The following MED13L variants were observed in gnomAD, a reference collection of about 807,000 sequenced individuals.
The protein encoded by MED13L is mediator of RNA polymerase II transcription subunit 13-like.
Under a neutral mutation model 220.9 loss-of-function variants are expected in MED13L, and 7 were observed. That is an observed-to-expected ratio of 0.03 (90% CI 0.02 to 0.06). The LOEUF is 0.06. Ranked by LOEUF, MED13L falls within the 10% of genes least tolerant of loss-of-function variation. The pLI is 1.00. For synonymous variants in MED13L, 1,011 were observed against 1,015.2 expected (o/e 1.00, Z 0.08); for missense variants, 1,965 against 2,760.5 (o/e 0.71, Z 6.46).
chr12:116,137,896 G>C (rs1593087831), intron 2 of MED13L, among the ~76,000 whole-genome samples: 1 of 95,386 alleles, frequency 1.0e-5, no homozygotes, highest in African/African-American at 4.5e-5. Flanking sequence ...TGCTCTTGTT[G>C]CCCAGGCTGG....
intron 1 of MED13L, among the ~76,000 whole-genome samples, chr12:116,244,225 A>G (rs1870901988): frequency 6.6e-6 from 1 of 152,192 alleles, no homozygotes; most frequent in South Asian, 2.1e-4. Context: ...CAGTAAACAT[A>G]TTAAGTCACC....
At chr12:116,074,095 C>T (rs539401422) in intron 4 of MED13L, among the ~76,000 whole-genome samples, 91 of 152,266 alleles carry the variant, frequency 6.0e-4, no homozygotes, top group African/African-American at 2.1e-3. Context: ...TACTGTTAAA[C>T]ATTAAAACTT....
In MED13L at chr12:116,020,044, G is replaced by A. The variant is rs1245229116; in HGVS notation, c.626-72C>T. ...CCTACTTAAGTGCAACACTACATAT[G>A]TGGTAATTTTAGGTTACAGTATCAC... On this transcript the variant is annotated intron_variant, in intron 5 of 30. Transcript: ENST00000281928. 7 of 1,355,110 alleles carry A rather than the reference G, an allele frequency of 5.2e-6. No individual in the cohort carries two copies. The Admixed American group carries it at 8.9e-5, about 17-fold the overall frequency. 83.9% of individuals were successfully genotyped at this position (1,355,110 alleles called of 1,614,324 possible).
At chr12:115,997,493 C>T (rs1199235982) in intron 14 of MED13L, among the ~76,000 whole-genome samples, 1 of 152,200 alleles carries the variant, frequency 6.6e-6, no homozygotes, top group East Asian at 1.9e-4. Context: ...CTGATCTTGA[C>T]TCACTGTAAC....
intron 4 of MED13L, among the ~76,000 whole-genome samples, chr12:116,044,757 C>A (rs751298072): frequency 4.6e-5 from 7 of 152,188 alleles, no homozygotes; most frequent in Admixed American, 1.3e-4. Context: ...TCTTCTGTTT[C>A]TTTTTTAAGC....
intron 2 of MED13L, among the ~76,000 whole-genome samples, chr12:116,178,377 C>T (rs1880238894): frequency 6.6e-6 from 1 of 152,138 alleles, no homozygotes; most frequent in South Asian, 2.1e-4. Flanking sequence ...AGCCAGAGTC[C>T]TAAGGACTTG....
intron 2 of MED13L, among the ~76,000 whole-genome samples, chr12:116,225,772 G>C (rs1462316929): frequency 6.6e-6 from 1 of 152,098 alleles, no homozygotes; most frequent in Non-Finnish European, 1.5e-5. Context: ...ATGTTGAATA[G>C]GTTCACACTT....
chr12:116,166,240 C>G (rs1453782689), intron 2 of MED13L, among the ~76,000 whole-genome samples: 1 of 151,928 alleles, frequency 6.6e-6, no homozygotes, highest in East Asian at 1.9e-4. Flanking sequence ...TAGAGGGACA[C>G]AAAGTATTAA....
chr12:116,079,412 G>C (rs1264823435), intron 4 of MED13L, among the ~76,000 whole-genome samples: 1 of 150,676 alleles, frequency 6.6e-6, no homozygotes, highest in Admixed American at 6.6e-5. Context: ...AGATGGGGGA[G>C]GGGGGGTCTC....
At chr12:116,252,218 A>G (rs975269454) in intron 1 of MED13L, among the ~76,000 whole-genome samples, 1 of 152,174 alleles carries the variant, frequency 6.6e-6, no homozygotes, top group African/African-American at 2.4e-5. Flanking sequence ...CACCAACAGC[A>G]GCAAAATACT....
intron 2 of MED13L, among the ~76,000 whole-genome samples, chr12:116,210,259 C>T (rs1042367313): frequency 7.2e-5 from 11 of 152,106 alleles, no homozygotes; most frequent in South Asian, 6.2e-4. Context: ...CATTGCAGGA[C>T]GGAGTATCAA....
chr12:116,045,855 A>G (rs1336887836), intron 4 of MED13L, among the ~76,000 whole-genome samples: 2 of 151,908 alleles, frequency 1.3e-5, no homozygotes, highest in Non-Finnish European at 2.9e-5. Context: ...AAAATCACCA[A>G]TAACAAGACA....
intron 28 of MED13L, among the ~76,000 whole-genome samples, chr12:115,966,923 G>A (rs984610673): frequency 6.6e-6 from 1 of 152,236 alleles, no homozygotes. Flanking sequence ...TGTAATCCCA[G>A]CACTTTGTGA....
At chr12:116,215,291 T>A (rs912453698) in intron 2 of MED13L, among the ~76,000 whole-genome samples, 1 of 152,182 alleles carries the variant, frequency 6.6e-6, no homozygotes, top group Non-Finnish European at 1.5e-5. Context: ...AAAACCATAT[T>A]ACATCCTATT....
At chr12:115,981,484 T>G (rs543383578) in intron 22 of MED13L, among the ~76,000 whole-genome samples, 4 of 152,342 alleles carry the variant, frequency 2.6e-5, no homozygotes, top group African/African-American at 9.6e-5. Context: ...TATAGAATTT[T>G]TTAAAAAATC....
At chr12:115,966,376 G>T in intron 28 of MED13L, 133 bp from the exon 29 acceptor site, 1 of 1,026,076 alleles carries the variant, frequency 9.7e-7, no homozygotes, top group Non-Finnish European at 1.5e-6. Context: ...AACAACAGGT[G>T]ACTGAGAAAG....
chr12:116,268,285 G>A (rs555443060), intron 1 of MED13L, among the ~76,000 whole-genome samples: 22 of 152,258 alleles, frequency 1.4e-4, no homozygotes, highest in African/African-American at 5.3e-4. Flanking sequence ...CAAATACTAG[G>A]AGCTAGTTCC....
chr12:116,145,504 T>G (rs937659460), intron 2 of MED13L, among the ~76,000 whole-genome samples: 3 of 152,008 alleles, frequency 2.0e-5, no homozygotes, highest in Admixed American at 2.0e-4. Flanking sequence ...CTTTTTTTTC[T>G]TTTCTCTTTG....
chr12:116,276,977 G>C (rs921944598), intron 1 of MED13L, 83 bp downstream of exon 1: 1 of 1,427,398 alleles, frequency 7.0e-7, no homozygotes, highest in South Asian at 1.2e-5. Flanking sequence ...CCGGCGGCGG[G>C]AGGAGAAAGT....
Sources: gnomAD v4.1 joint callset for allele counts (sites outside exome capture counted in the v4.1 genomes callset) on GRCh38, gnomAD v4.1.1 for gene constraint, MANE v1.5 for transcripts, NCBI Gene and HGNC (gene_info 2026-07-23, HGNC 2026-07-21) for gene names.